Variants in BBS9 observed in about 807,000 individuals in gnomAD.
BBS9 encodes protein PTHB1.
A neutral mutation model predicts 117.7 loss-of-function variants in BBS9; 89 were observed. The ratio of observed to expected loss-of-function variants is 0.76; its 90% CI spans 0.64 to 0.90. The LOEUF is 0.90. BBS9 is among the 40% of genes least tolerant of loss of function. BBS9 has a pLI of 0.00. For synonymous variants in BBS9, 379 were observed against 370.9 expected (o/e 1.02, Z -0.25); for missense variants, 982 against 1,042.2 (o/e 0.94, Z 0.80).
chr7:33,246,565 G>T (rs1795362555), intron 5 of BBS9, among the ~76,000 whole-genome samples: 2 of 151,590 alleles, frequency 1.3e-5, no homozygotes, highest in South Asian at 4.2e-4. Context: ...ATCATGATTG[G>T]CTATTACCTT....
intron 19 of BBS9, among the ~76,000 whole-genome samples, chr7:33,473,163 T>TA (rs1244018489): frequency 6.6e-6 from 1 of 152,260 alleles, no homozygotes; most frequent in African/African-American, 2.4e-5. Flanking sequence ...CAGTTAGAAA[T>TA]TAATGAAGAT....
At chr7:33,257,476 G>T in intron 6 of BBS9, 66 bp downstream of exon 6, 1 of 1,457,940 alleles carries the variant, frequency 6.9e-7, no homozygotes, top group South Asian at 1.1e-5. Context: ...ACTAATTTTT[G>T]TCCACAAAGA....
At chr7:33,222,952 C>CAAAAAA (rs1417016025) in intron 5 of BBS9, among the ~76,000 whole-genome samples, 2 of 125,578 alleles carry the variant, frequency 1.6e-5, no homozygotes, top group African/African-American at 5.9e-5. Flanking sequence ...GACCCTGTCT[C>CAAAAAA]AAAAAAAAAA....
At chr7:33,394,764 A>C (rs2128772911) in intron 19 of BBS9, among the ~76,000 whole-genome samples, 1 of 152,298 alleles carries the variant, frequency 6.6e-6, no homozygotes, top group East Asian at 1.9e-4. Context: ...GGACCTAAGA[A>C]ATAAAGTAGG....
At chr7:33,232,368 G>T (rs537588260) in intron 5 of BBS9, among the ~76,000 whole-genome samples, 1 of 152,036 alleles carries the variant, frequency 6.6e-6, no homozygotes, top group Non-Finnish European at 1.5e-5. Context: ...TAATACTAAA[G>T]TTTAGATATA....
intron 19 of BBS9, among the ~76,000 whole-genome samples, chr7:33,416,241 C>A (rs1831994892): frequency 6.6e-6 from 1 of 151,562 alleles, no homozygotes; most frequent in African/African-American, 2.4e-5. Flanking sequence ...ACGGGACCTG[C>A]ATTTCCTCAT....
At chr7:33,168,958 C>T (rs1291550742) in intron 4 of BBS9, among the ~76,000 whole-genome samples, 12 of 151,930 alleles carry the variant, frequency 7.9e-5, no homozygotes, top group Non-Finnish European at 1.6e-4. Flanking sequence ...TATCCCTCCC[C>T]GCTCCCCCCA....
At chr7:33,577,884 A>G (rs1168797491) in intron 21 of BBS9, among the ~76,000 whole-genome samples, 1 of 152,132 alleles carries the variant, frequency 6.6e-6, no homozygotes. Context: ...GGGGAACATC[A>G]CACACTGGGG....
intron 9 of BBS9, chr7:33,277,131 C>A: frequency 5.4e-6 from 1 of 186,296 alleles, no homozygotes; most frequent in Non-Finnish European, 1.3e-5. Context: ...GTCTGTAAAC[C>A]ACAAAGACAG....
chr7:33,358,002 C>G lies in BBS9; in HGVS notation c.1693+7C>G. ...CTTCTTAGTCTCTTCCCAGGTAAGA[C>G]TGTTGAAATAACATGCCTGCAGCAT... On this transcript the variant is annotated splice_region_variant and intron_variant, in intron 16 of 22. Coordinates refer to ENST00000242067, the MANE Select transcript of BBS9 (RefSeq NM_198428.3). 1.2e-6 allele frequency: 2 copies of G among 1,611,172 alleles called. No homozygotes were observed. The highest frequency in any genetic ancestry group is 8.5e-7 in the Non-Finnish European group (1 of 1,178,056).
intron 19 of BBS9, among the ~76,000 whole-genome samples, chr7:33,405,761 G>T (rs1388169190): frequency 6.6e-6 from 1 of 151,954 alleles, no homozygotes; most frequent in Non-Finnish European, 1.5e-5. Flanking sequence ...CTTGCTAGCG[G>T]TCTATCAATT....
rs185117883 is a variant in BBS9, at chr7:33,560,907, A to G, written c.2521+26731A>G. 1.8e-4 allele frequency among the ~76,000 whole-genome samples: 28 copies of G among 152,306 alleles called. No individual in the cohort carries two copies. In the East Asian group the frequency reaches 5.4e-3, roughly 29 times the overall value. ...CTTTTGTCTTGGCTTCAGTGGAAAT[A>G]AACAATACTCACTAGCACCTACCCA... On this transcript the variant is annotated intron_variant, in intron 21 of 22. Coordinates refer to ENST00000242067, the MANE Select transcript of BBS9 (RefSeq NM_198428.3).
At position 33,146,333 on chromosome 7, in the gene BBS9, G is replaced by A. The variant is rs1792337356; in HGVS notation, c.81G>A (p.Leu27=). The A allele has an allele frequency of 6.2e-7, 1 of 1,613,998 alleles. No individual in the cohort carries two copies. The highest frequency in any genetic ancestry group is 2.2e-5 in the East Asian group (1 of 44,874). The stretch of plus-strand genomic sequence containing the variant: ...AATTTGATCAAGGCTGTTTGTGTCT[G>A]GCTAATGTTGACAATAGTGGAAATG... ...KEEFDQGCLC[L]ANVDNSGNGQ... The change falls in exon 2 of 23, where the codon CTG becomes CTA. Residue 27 remains leucine (L), a synonymous_variant. Transcript: ENST00000242067.
At chr7:33,400,384 G>A (rs1828707604) in intron 19 of BBS9, among the ~76,000 whole-genome samples, 1 of 152,084 alleles carries the variant, frequency 6.6e-6, no homozygotes, top group Non-Finnish European at 1.5e-5. Context: ...CCAATTATCT[G>A]TAATTGTATG....
chr7:33,326,467 T>G (rs769896722), intron 9 of BBS9, among the ~76,000 whole-genome samples: 1 of 152,032 alleles, frequency 6.6e-6, no homozygotes, highest in Non-Finnish European at 1.5e-5. Flanking sequence ...GCTTGCTTGG[T>G]GCTCTACTCC....
intron 19 of BBS9, among the ~76,000 whole-genome samples, chr7:33,419,822 A>G (rs561721659): frequency 1.3e-5 from 2 of 152,172 alleles, no homozygotes; most frequent in Admixed American, 6.5e-5. Flanking sequence ...ACTGTCTGGC[A>G]TACAAAGCCC....
Position 33,273,134 on chromosome 7 carries a change from ACAAATTCGATT to A in BBS9, c.828_838del (p.Gln276HisfsTer5). 6.2e-7 allele frequency: 1 copy of A among 1,613,706 alleles called. No homozygotes were observed. Among genetic ancestry groups the A allele is most frequent in the Non-Finnish European group, 8.5e-7 (1 of 1,179,784 alleles). On this transcript the variant is annotated frameshift_variant, in exon 8 of 23. Transcript: ENST00000242067. LOFTEE classifies it high-confidence loss of function. ...ACTTTTTTTGCCTTAAGGATAATGGACAAATTCGATTCATGAAGAAGCTTGATTGGAGCCCA... is the reference window on the plus strand; with the variant it reads ...ACTTTTTTTGCCTTAAGGATAATGGACATGAAGAAGCTTGATTGGAGCCCA...
chr7:33,587,001 A>G (rs539921399), intron 21 of BBS9, among the ~76,000 whole-genome samples: 4 of 152,172 alleles, frequency 2.6e-5, no homozygotes, highest in Admixed American at 6.6e-5. Context: ...GGATCACACA[A>G]TATACCCCTT....
intron 19 of BBS9, among the ~76,000 whole-genome samples, chr7:33,451,329 G>A (rs1320973444): frequency 1.3e-5 from 2 of 152,058 alleles, no homozygotes; most frequent in Non-Finnish European, 2.9e-5. Flanking sequence ...ATAGTTTCAG[G>A]TCTTATGTTT....
Sources: allele counts gnomAD v4.1 joint callset (sites outside exome capture counted in the v4.1 genomes callset), GRCh38; gene constraint gnomAD v4.1.1; transcripts MANE v1.5; gene names NCBI Gene and HGNC (gene_info 2026-07-23, HGNC 2026-07-21).